The following SUMF1 variants were observed in gnomAD, a reference collection of about 807,000 sequenced individuals.
SUMF1 encodes sulfatase modifying factor 1.
In SUMF1, 48 loss-of-function variants were observed where a neutral mutation model predicts 47.6. The ratio of observed to expected loss-of-function variants is 1.01; its 90% confidence interval spans 0.80 to 1.28. SUMF1 has a LOEUF of 1.28. SUMF1 is among the 50% of genes most tolerant of loss of function. The pLI is 0.00. For missense variants in SUMF1, 571 were observed against 485.4 expected (o/e 1.18, Z -1.66); for synonymous variants, 230 against 192.1 (o/e 1.20, Z -1.63).
At chr3:4,440,350 A>AAGC (rs1702544803) in intron 3 of SUMF1, among the ~76,000 whole-genome samples, 1 of 151,956 alleles carries the variant, frequency 6.6e-6, no homozygotes, top group African/African-American at 2.4e-5. Flanking sequence ...CCTTCTGAAT[A>AAGC]CTTTCTGGCT....
chr3:4,304,581 C>T (rs1156751095), intron 8 of SUMF1, among the ~76,000 whole-genome samples: 1 of 152,152 alleles, frequency 6.6e-6, no homozygotes, highest in Non-Finnish European at 1.5e-5. Context: ...TTAGCTACTT[C>T]CCAGAGCCTG....
chr3:4,079,426 A>G (rs1692510295), intron 8 of SUMF1, among the ~76,000 whole-genome samples: 1 of 151,998 alleles, frequency 6.6e-6, no homozygotes, highest in Non-Finnish European at 1.5e-5. Flanking sequence ...GAAATAAGGT[A>G]CATGCCTGAC....
At chr3:4,349,753 A>G (rs1271602499) in intron 8 of SUMF1, among the ~76,000 whole-genome samples, 2 of 152,206 alleles carry the variant, frequency 1.3e-5, no homozygotes, top group Non-Finnish European at 2.9e-5. Context: ...CAAACACCAC[A>G]TGTTCTCACT....
intron 8 of SUMF1, among the ~76,000 whole-genome samples, chr3:4,104,834 A>G (rs573952196): frequency 3.3e-5 from 5 of 152,188 alleles, no homozygotes; most frequent in African/African-American, 1.2e-4. Context: ...AAACATGTAT[A>G]GAGTCCTTTT....
At chr3:4,359,262 T>C (rs1249751188), downstream of SUMF1, among the ~76,000 whole-genome samples, 3 of 152,142 alleles carry the variant, frequency 2.0e-5, no homozygotes, top group African/African-American at 7.2e-5. Context: ...AATAAACGGC[T>C]TGTTAGGATG....
At chr3:4,211,434 T>C (rs1010818615) in intron 8 of SUMF1, among the ~76,000 whole-genome samples, 1 of 151,778 alleles carries the variant, frequency 6.6e-6, no homozygotes, top group Non-Finnish European at 1.5e-5. Flanking sequence ...TTTTATTTTC[T>C]ATTCCTGCAT....
chr3:4,209,245 T>C (rs1459844773), intron 8 of SUMF1, among the ~76,000 whole-genome samples: 2 of 152,170 alleles, frequency 1.3e-5, no homozygotes, highest in East Asian at 1.9e-4. Flanking sequence ...TTTTACACTC[T>C]ACTATAAAGA....
chr3:4,210,304 C>A (rs1695752094), intron 8 of SUMF1, among the ~76,000 whole-genome samples: 1 of 152,026 alleles, frequency 6.6e-6, no homozygotes, highest in South Asian at 2.1e-4. Context: ...GGAAAATGTA[C>A]ATGAAAACAC....
chr3:4,123,736 A>C (rs1693595926), intron 8 of SUMF1, among the ~76,000 whole-genome samples: 1 of 152,202 alleles, frequency 6.6e-6, no homozygotes, highest in Non-Finnish European at 1.5e-5. Flanking sequence ...TAGGAAAGTC[A>C]TTTCAACTAT....
chr3:4,441,405 T>G (rs1308743728), intron 3 of SUMF1, among the ~76,000 whole-genome samples: 1 of 152,150 alleles, frequency 6.6e-6, no homozygotes, highest in Non-Finnish European at 1.5e-5. Context: ...TATATTGCAA[T>G]GTAATAATAA....
intron 8 of SUMF1, among the ~76,000 whole-genome samples, chr3:4,178,022 C>G (rs1695005187): frequency 6.6e-6 from 1 of 152,086 alleles, no homozygotes; most frequent in Non-Finnish European, 1.5e-5. Flanking sequence ...AGACCAATAA[C>G]AGGCTCTGAA....
intron 8 of SUMF1, among the ~76,000 whole-genome samples, chr3:4,172,387 T>G (rs755044919): frequency 6.6e-6 from 1 of 152,142 alleles, no homozygotes; most frequent in Non-Finnish European, 1.5e-5. Flanking sequence ...ACACATGTGC[T>G]TTCCAGGTAT....
intron 8 of SUMF1, among the ~76,000 whole-genome samples, chr3:4,366,525 G>A (rs1013450669): frequency 6.7e-6 from 1 of 149,674 alleles, no homozygotes; most frequent in African/African-American, 2.5e-5. Flanking sequence ...TGAGGCTTTT[G>A]TATTCTTCAC....
At chr3:4,266,737 C>T (rs1335763096) in intron 8 of SUMF1, among the ~76,000 whole-genome samples, 2 of 148,880 alleles carry the variant, frequency 1.3e-5, no homozygotes, top group Non-Finnish European at 3.0e-5. Flanking sequence ...GCCTAATTGC[C>T]CTGGCCAGAA....
At chr3:4,095,633 C>T (rs1353952332) in intron 8 of SUMF1, among the ~76,000 whole-genome samples, 3 of 152,028 alleles carry the variant, frequency 2.0e-5, no homozygotes, top group South Asian at 4.1e-4. Flanking sequence ...GATGCTGTTA[C>T]ACCAACTACC....
chr3:4,461,041 A>G (rs540496484), intron 1 of SUMF1, among the ~76,000 whole-genome samples: 13 of 152,260 alleles, frequency 8.5e-5, no homozygotes, highest in African/African-American at 3.1e-4. Context: ...CTATATCCCC[A>G]CTGCCTAGCA....
At chr3:4,157,863 G>T (rs1325041874) in intron 8 of SUMF1, among the ~76,000 whole-genome samples, 1 of 150,452 alleles carries the variant, frequency 6.6e-6, no homozygotes, top group Non-Finnish European at 1.5e-5. Flanking sequence ...TTAGCCTCTG[G>T]ATGCTAATCC....
intron 8 of SUMF1, among the ~76,000 whole-genome samples, chr3:4,097,457 G>A (rs1361291880): frequency 1.3e-5 from 2 of 152,032 alleles, no homozygotes; most frequent in Non-Finnish European, 2.9e-5. Context: ...GGAGGCTGAG[G>A]CAGGAGAATC....
At chr3:4,358,109 A>G (rs955320488), downstream of SUMF1, among the ~76,000 whole-genome samples, 4 of 152,128 alleles carry the variant, frequency 2.6e-5, no homozygotes, top group African/African-American at 9.7e-5. Flanking sequence ...CCCATTTTCC[A>G]TGAAGAAAAG....
Sources: allele counts gnomAD v4.1 joint callset (sites outside exome capture counted in the v4.1 genomes callset), GRCh38; gene constraint gnomAD v4.1.1; transcripts MANE v1.5; gene names NCBI Gene and HGNC (gene_info 2026-07-23, HGNC 2026-07-21).